Variants in PLXNC1 observed in about 807,000 individuals in gnomAD.
The protein encoded by PLXNC1 is plexin C1, also known as plexin-C1.
In PLXNC1, 75 loss-of-function variants were observed where a neutral mutation model predicts 178.2. The ratio of observed to expected loss-of-function variants is 0.42; its 90% confidence interval spans 0.35 to 0.51. The LOEUF (loss-of-function observed/expected upper bound fraction) is 0.51. Among genes scored for constraint, PLXNC1 ranks in the 20% least tolerant of loss-of-function variants. The probability of loss-of-function intolerance (pLI) is 0.02; values close to 1 mark genes in which losing one functional copy is unlikely to be tolerated. For missense variants in PLXNC1, 1,503 were observed against 1,984.4 expected (o/e 0.76, Z 4.61); for synonymous variants, 790 against 779.9 (o/e 1.01, Z -0.22).
At chr12:94,223,789 A>G (rs925635736) in intron 6 of PLXNC1, among the ~76,000 whole-genome samples, 1 of 152,186 alleles carries the variant, frequency 6.6e-6, no homozygotes, top group African/African-American at 2.4e-5. Flanking sequence ...AGAGTATGTT[A>G]GGTAAATATT....
intron 1 of PLXNC1, among the ~76,000 whole-genome samples, chr12:94,157,097 T>C (rs186185449): frequency 6.6e-4 from 100 of 152,286 alleles, no homozygotes; most frequent in Middle Eastern, 3.4e-3. Flanking sequence ...AGGAGAGAGA[T>C]AGAGTTGAGT....
chr12:94,155,544 T>C (rs1434453630), intron 1 of PLXNC1, among the ~76,000 whole-genome samples: 1 of 152,196 alleles, frequency 6.6e-6, no homozygotes, highest in Admixed American at 6.5e-5. Flanking sequence ...CTTAGGGCCA[T>C]AAAAAGTAAC....
intron 11 of PLXNC1, among the ~76,000 whole-genome samples, chr12:94,241,993 G>A (rs796238080): frequency 1.4e-3 from 204 of 148,886 alleles, no homozygotes; most frequent in African/African-American, 5.0e-3. Flanking sequence ...AAAAAAAGAA[G>A]AAGAAGAAGA....
chr12:94,244,676 T>C (rs1964479985), intron 12 of PLXNC1, among the ~76,000 whole-genome samples: 1 of 152,184 alleles, frequency 6.6e-6, no homozygotes, highest in Non-Finnish European at 1.5e-5. Flanking sequence ...AGAATTGTCT[T>C]GGGCCACACA....
chr12:94,231,259 G>A (rs2136037005), intron 9 of PLXNC1, among the ~76,000 whole-genome samples: 1 of 152,264 alleles, frequency 6.6e-6, no homozygotes, highest in South Asian at 2.1e-4. Context: ...CATGAATGCG[G>A]GTATTTGAAG....
At chr12:94,217,091 T>G (rs1375571731) in intron 5 of PLXNC1, among the ~76,000 whole-genome samples, 1 of 152,256 alleles carries the variant, frequency 6.6e-6, no homozygotes, top group East Asian at 1.9e-4. Context: ...ACCTGGTTTC[T>G]GCCCCAGTGT....
intron 1 of PLXNC1, among the ~76,000 whole-genome samples, chr12:94,154,558 C>G (rs1055258425): frequency 6.6e-6 from 1 of 152,190 alleles, no homozygotes; most frequent in East Asian, 1.9e-4. Context: ...TTACTACATG[C>G]AATAATGTGT....
chr12:94,267,888 A>T (rs1361530058), intron 21 of PLXNC1, among the ~76,000 whole-genome samples: 1 of 151,138 alleles, frequency 6.6e-6, no homozygotes, highest in Non-Finnish European at 1.5e-5. Flanking sequence ...CCAAGCATGT[A>T]CACCCAGCCA....
intron 26 of PLXNC1, 28 bp downstream of exon 26, chr12:94,297,451 A>ATGGC (rs1185595813): frequency 6.9e-7 from 1 of 1,456,570 alleles, no homozygotes; most frequent in Non-Finnish European, 9.6e-7. Flanking sequence ...GGAGCACTTT[A>ATGGC]TGGCTACCTA....
At chr12:94,153,696 C>T (rs1961046528) in intron 1 of PLXNC1, among the ~76,000 whole-genome samples, 1 of 152,214 alleles carries the variant, frequency 6.6e-6, no homozygotes, top group Non-Finnish European at 1.5e-5. Flanking sequence ...TATTGGTCCA[C>T]AGGACTCTAG....
intron 23 of PLXNC1, among the ~76,000 whole-genome samples, chr12:94,291,303 G>A (rs935456197): frequency 1.3e-5 from 2 of 152,150 alleles, no homozygotes; most frequent in African/African-American, 4.8e-5. Context: ...TGGCACAATC[G>A]TGGCTCACTG....
Position 94,268,791 on chromosome 12 carries a change from C to T in PLXNC1, c.3597+3566C>T, listed in dbSNP as rs542144379. On this transcript the variant is annotated intron_variant, in intron 21 of 30. Coordinates refer to ENST00000258526, the MANE Select transcript of PLXNC1 (RefSeq NM_005761.3). ...TGTATTTTTAGTAGAAACGGGTTTT[C>T]GCCGTGTTGGCTAGCCTGGTCTTGA... Among the ~76,000 whole-genome samples, 250 of 151,936 alleles carry T rather than the reference C, an allele frequency of 1.6e-3. 1 individual carries two copies. Among genetic ancestry groups the T allele is most frequent in the African/African-American group, 5.7e-3 (236 of 41,426 alleles).
intron 4 of PLXNC1, among the ~76,000 whole-genome samples, chr12:94,188,786 G>A (rs1962615435): frequency 6.6e-6 from 1 of 152,234 alleles, no homozygotes; most frequent in African/African-American, 2.4e-5. Flanking sequence ...CCAGTAGGGA[G>A]GCCAGCCTCA....
intron 6 of PLXNC1, among the ~76,000 whole-genome samples, chr12:94,221,177 A>C (rs1454841767): frequency 1.3e-5 from 2 of 152,246 alleles, no homozygotes; most frequent in Non-Finnish European, 2.9e-5. Flanking sequence ...CTTGGAGAAG[A>C]CATCTTCACT....
intron 21 of PLXNC1, among the ~76,000 whole-genome samples, chr12:94,270,777 TA>T (rs1334968405): frequency 6.7e-6 from 1 of 148,642 alleles, no homozygotes; most frequent in East Asian, 2.0e-4. Flanking sequence ...TTTTTTTTTT[TA>T]AATGGAAAAA....
chr12:94,154,999 C>T (rs1201625393), intron 1 of PLXNC1, among the ~76,000 whole-genome samples: 1 of 152,182 alleles, frequency 6.6e-6, no homozygotes, highest in African/African-American at 2.4e-5. Context: ...GTCTGGTCAC[C>T]TCATACTCCC....
chr12:94,254,575 A>G (rs1964788321), intron 15 of PLXNC1: 4 of 684,168 alleles, frequency 5.8e-6, no homozygotes, highest in Admixed American at 2.0e-5. Context: ...GCATTTTGGC[A>G]TCTTCCTCTT....
intron 1 of PLXNC1, among the ~76,000 whole-genome samples, chr12:94,151,323 G>GA (rs1360808441): frequency 6.6e-6 from 1 of 152,040 alleles, no homozygotes; most frequent in African/African-American, 2.4e-5. Flanking sequence ...GAGCCAGGGA[G>GA]AAAAAAACCA....
chr12:94,181,574 G>A lies in PLXNC1; in HGVS notation c.1332G>A (p.Gly444=). Residue 444 remains glycine (G), a synonymous_variant, in exon 3 of 31, where the codon GGG becomes GGA. Coordinates refer to ENST00000258526, the MANE Select transcript of PLXNC1 (RefSeq NM_005761.3). ...ATATCTACATTTATCTAACAGCTGG[G>A]AAAGAGGTAGGTAGAAATACTAGTT... ...VKNIYIYLTA[G]KEVRRIRVAN... The A allele has an allele frequency of 6.2e-7, 1 of 1,606,436 alleles. No homozygotes were observed. Among genetic ancestry groups the A allele is most frequent in the East Asian group, 2.2e-5 (1 of 44,796 alleles).
Sources: gnomAD v4.1 joint callset for allele counts (sites outside exome capture counted in the v4.1 genomes callset) on GRCh38, gnomAD v4.1.1 for gene constraint, MANE v1.5 for transcripts, NCBI Gene and HGNC (gene_info 2026-07-23, HGNC 2026-07-21) for gene names.